The following PAMR1 variants were observed in gnomAD, a reference collection of about 807,000 sequenced individuals.
PAMR1 encodes the protein peptidase domain containing associated with muscle regeneration 1.
Under a neutral mutation model 81.8 loss-of-function variants are expected in PAMR1, and 88 were observed. That is an observed-to-expected ratio of 1.08 (90% confidence interval 0.91 to 1.28). The LOEUF (loss-of-function observed/expected upper bound fraction) is 1.28, where lower values mean the gene tolerates loss of function less well. PAMR1 is among the 50% of genes most tolerant of loss of function. PAMR1 has a pLI of 0.00. For synonymous variants in PAMR1, 336 were observed against 345.3 expected (o/e 0.97, Z 0.30); for missense variants, 935 against 919.7 (o/e 1.02, Z -0.21).
At chr11:35,437,189 C>A (rs1364881494) in intron 8 of PAMR1, among the ~76,000 whole-genome samples, 3 of 152,148 alleles carry the variant, frequency 2.0e-5, no homozygotes, top group African/African-American at 7.2e-5. Flanking sequence ...AGTTTGTGTT[C>A]ATTTTATGTT....
upstream of PAMR1, among the ~76,000 whole-genome samples, chr11:35,526,726 T>C (rs1229727121): frequency 6.6e-6 from 1 of 152,206 alleles, no homozygotes; most frequent in African/African-American, 2.4e-5. Context: ...CTTAGGATGC[T>C]ACATATGCAG....
At chr11:35,501,233 T>C (rs1850834355) in intron 1 of PAMR1, among the ~76,000 whole-genome samples, 1 of 151,546 alleles carries the variant, frequency 6.6e-6, no homozygotes, top group Non-Finnish European at 1.5e-5. Flanking sequence ...CAAACTCAAG[T>C]GATCCTCCCA....
intron 1 of PAMR1, among the ~76,000 whole-genome samples, chr11:35,523,145 A>C (rs1270616275): frequency 2.0e-5 from 3 of 152,160 alleles, no homozygotes; most frequent in Non-Finnish European, 4.4e-5. Context: ...GCTTTCTCCT[A>C]GGAATTTGCC....
intron 6 of PAMR1, among the ~76,000 whole-genome samples, chr11:35,460,316 T>C (rs1203798808): frequency 6.6e-6 from 1 of 152,048 alleles, no homozygotes; most frequent in East Asian, 2.0e-4. Flanking sequence ...CTCTTTCTTT[T>C]TTTTTTTTTT....
At chr11:35,439,408 G>A (rs1190804415) in intron 8 of PAMR1, among the ~76,000 whole-genome samples, 1 of 152,218 alleles carries the variant, frequency 6.6e-6, no homozygotes, top group Non-Finnish European at 1.5e-5. Flanking sequence ...ACGATCCAGT[G>A]AAATTTGTAC....
intron 6 of PAMR1, among the ~76,000 whole-genome samples, chr11:35,452,955 G>C (rs969616960): frequency 6.6e-6 from 1 of 152,104 alleles, no homozygotes; most frequent in Non-Finnish European, 1.5e-5. Flanking sequence ...ATAATCATTT[G>C]GTTCCCCAGT....
intron 1 of PAMR1, among the ~76,000 whole-genome samples, chr11:35,508,516 A>ATTTTT (rs59836040): frequency 1.5e-3 from 146 of 97,932 alleles, no homozygotes; most frequent in Admixed American, 2.0e-3. Context: ...AGGAACCTCC[A>ATTTTT]TTTTTTTTTT....
intron 1 of PAMR1, among the ~76,000 whole-genome samples, chr11:35,515,387 G>A (rs1555044657): frequency 6.6e-6 from 1 of 152,236 alleles, no homozygotes; most frequent in Non-Finnish European, 1.5e-5. Flanking sequence ...TGTTGAGCCA[G>A]GGTGATGCAT....
upstream of PAMR1, among the ~76,000 whole-genome samples, chr11:35,528,794 G>C (rs1313899060): frequency 6.6e-6 from 1 of 152,154 alleles, no homozygotes; most frequent in Non-Finnish European, 1.5e-5. Flanking sequence ...TCTGTTTCTG[G>C]AATCCCCTTC....
chr11:35,507,723 G>A (rs371177513), intron 1 of PAMR1, among the ~76,000 whole-genome samples: 447 of 150,278 alleles, frequency 3.0e-3, no homozygotes, highest in African/African-American at 0.01. Flanking sequence ...TATTTTAGTC[G>A]TCTCTGTATG....
intron 7 of PAMR1, among the ~76,000 whole-genome samples, chr11:35,440,958 G>A (rs1856152017): frequency 1.3e-5 from 2 of 152,228 alleles, no homozygotes. Flanking sequence ...TCCTTTTGCT[G>A]AACTTACACC....
intron 1 of PAMR1, among the ~76,000 whole-genome samples, chr11:35,504,669 T>C (rs1850916199): frequency 2.0e-5 from 3 of 152,134 alleles, no homozygotes; most frequent in South Asian, 2.1e-4. Context: ...TGTTGGATTA[T>C]AGTTGTTCAT....
chr11:35,490,117 C>T (rs1850590222), intron 3 of PAMR1, among the ~76,000 whole-genome samples: 1 of 152,180 alleles, frequency 6.6e-6, no homozygotes, highest in Non-Finnish European at 1.5e-5. Flanking sequence ...AGAGCTTATG[C>T]AGGGGAACTC....
rs151313185 is a variant in PAMR1 at position 35,474,718 on chromosome 11, T to A, written c.406A>T (p.Lys136Ter). 20 of 1,610,950 alleles carry A rather than the reference T, an allele frequency of 1.2e-5. No homozygotes were observed. The highest frequency in any genetic ancestry group is 1.6e-5 in the Non-Finnish European group (19 of 1,178,860). ...MRCGQVLRAP[K>*]GQILLESYPL... is the part of the protein sequence containing the mutation. ...TAGCTTTCCAACAAAATCTGACCCT[T>A]TGGGGCTCGCAGAACCTGGCCACAT... is the stretch of plus-strand genomic sequence containing the variant. Residue 136 changes from lysine to a stop codon, truncating the protein, a stop_gained, in exon 4 of 11, where the codon AAG becomes TAG. Transcript: ENST00000619888. LOFTEE classifies it high-confidence loss of function.
intron 7 of PAMR1, 34 bp downstream of exon 7, chr11:35,441,447 A>G (rs777207310): frequency 6.6e-7 from 1 of 1,507,062 alleles, no homozygotes; most frequent in South Asian, 1.2e-5. Context: ...AACTTCATCA[A>G]TGTCCGTAGA....
intron 6 of PAMR1, among the ~76,000 whole-genome samples, chr11:35,458,029 C>T (rs1254780250): frequency 6.6e-6 from 1 of 152,148 alleles, no homozygotes; most frequent in Non-Finnish European, 1.5e-5. Context: ...CATAAAAGTA[C>T]AAGACAGCTG....
At chr11:35,515,417 G>A (rs1293607685) in intron 1 of PAMR1, among the ~76,000 whole-genome samples, 1 of 152,210 alleles carries the variant, frequency 6.6e-6, no homozygotes. Context: ...TATGTCCAAT[G>A]GGTCCCGAAG....
At chr11:35,511,357 A>G (rs1851069292) in intron 1 of PAMR1, among the ~76,000 whole-genome samples, 1 of 152,204 alleles carries the variant, frequency 6.6e-6, no homozygotes, top group South Asian at 2.1e-4. Context: ...ATTTTAAGAA[A>G]ATATGTTGCC....
chr11:35,472,604 T>C (rs1214651209), intron 4 of PAMR1, among the ~76,000 whole-genome samples: 1 of 152,198 alleles, frequency 6.6e-6, no homozygotes, highest in Non-Finnish European at 1.5e-5. Flanking sequence ...TGACACAATG[T>C]GGTCAAAGAA....
Sources: gnomAD v4.1 joint callset for allele counts (sites outside exome capture counted in the v4.1 genomes callset) on GRCh38, gnomAD v4.1.1 for gene constraint, MANE v1.5 for transcripts, NCBI Gene and HGNC (gene_info 2026-07-23, HGNC 2026-07-21) for gene names.